Variants in SLC41A2 observed in about 807,000 individuals in gnomAD.
SLC41A2 encodes SLC41A1-like 1.
Under a neutral mutation model 58.3 loss-of-function variants are expected in SLC41A2, and 32 were observed. The ratio of observed to expected loss-of-function variants is 0.55; its 90% CI spans 0.41 to 0.74. The LOEUF is 0.74. SLC41A2 is among the 30% of genes least tolerant of loss of function. SLC41A2 has a pLI of 0.00. For missense variants in SLC41A2, 514 were observed against 680.6 expected (o/e 0.76, Z 2.72); for synonymous variants, 190 against 235.0 (o/e 0.81, Z 1.75).
chr12:104,803,728 A>AGAGT lies in SLC41A2; in HGVS notation c.*1420_*1423dup, dbSNP rs1491109545. On this transcript the variant is annotated 3_prime_UTR_variant, in exon 11 of 11. Transcript: ENST00000258538. ...TGGTCAAGTGTTTAGAATATAGGCC[A>AGAGT]GAGTTTTAGAAAAATTATTTGAGAA... The AGAGT allele has an allele frequency of 1.4e-4, 21 of 152,300 alleles. No individual in the cohort carries two copies. The highest frequency in any genetic ancestry group is 4.8e-4 in the African/African-American group (20 of 41,558). 9.4% of individuals were successfully genotyped at this position (152,300 alleles called of 1,614,324 possible). A position where few individuals can be genotyped will look rare whatever the true frequency, so the allele number is the denominator to read the frequency against.
chr12:104,829,217 G>A (rs920916434), intron 10 of SLC41A2, among the ~76,000 whole-genome samples: 2 of 152,150 alleles, frequency 1.3e-5, no homozygotes, highest in Non-Finnish European at 2.9e-5. Flanking sequence ...GCAGCTTCAT[G>A]CATAACAGCC....
intron 2 of SLC41A2, among the ~76,000 whole-genome samples, chr12:104,917,450 T>C (rs2046377485): frequency 6.6e-6 from 1 of 152,094 alleles, no homozygotes; most frequent in Admixed American, 6.5e-5. Flanking sequence ...AGAAATACCA[T>C]TTGACCCAGC....
At chr12:104,897,132 C>CTTTTCTT in intron 3 of SLC41A2, among the ~76,000 whole-genome samples, 6 of 143,798 alleles carry the variant, frequency 4.2e-5, no homozygotes, top group African/African-American at 1.5e-4. Context: ...CAGAGTGACA[C>CTTTTCTT]TTTTCTTTTT....
chr12:104,925,287 G>A (rs144680119), intron 2 of SLC41A2, among the ~76,000 whole-genome samples: 13 of 152,276 alleles, frequency 8.5e-5, no homozygotes, highest in South Asian at 2.1e-4. Context: ...GGCCAGGCGC[G>A]GTGGCTCACG....
intron 9 of SLC41A2, 60 bp downstream of exon 9, chr12:104,845,783 T>C: frequency 6.6e-7 from 1 of 1,504,014 alleles, no homozygotes; most frequent in Non-Finnish European, 9.0e-7. Flanking sequence ...GTTGCCTGCC[T>C]ATAATCTTAG....
Position 104,879,046 on chromosome 12 carries a change from C to T in SLC41A2, c.1027+7247G>A, listed in dbSNP as rs868171391. On this transcript the variant is annotated intron_variant, in intron 6 of 10. Coordinates refer to ENST00000258538, the MANE Select transcript of SLC41A2 (RefSeq NM_001352171.3). ...GGTATCTCATTGTGGTTTTGATTTG[C>T]ATTTCTCTGATGGCCAGTGATGATG... Among the ~76,000 whole-genome samples, 28 of 152,322 alleles carry T rather than the reference C, an allele frequency of 1.8e-4. No individual in the cohort carries two copies. The South Asian group carries it at 3.3e-3, about 18-fold the overall frequency.
At chr12:104,916,722 G>A (rs1305274808) in intron 2 of SLC41A2, among the ~76,000 whole-genome samples, 6 of 152,170 alleles carry the variant, frequency 3.9e-5, no homozygotes, top group African/African-American at 2.4e-5. Flanking sequence ...AAGCAATGGG[G>A]AAAGAATTTC....
intron 10 of SLC41A2, among the ~76,000 whole-genome samples, chr12:104,843,343 G>A (rs1271148112): frequency 2.0e-5 from 3 of 151,780 alleles, no homozygotes; most frequent in East Asian, 1.9e-4. Flanking sequence ...TTAATTATTC[G>A]ATAGGTGACT....
intron 10 of SLC41A2, among the ~76,000 whole-genome samples, chr12:104,837,904 T>C (rs926646455): frequency 2.6e-5 from 4 of 152,190 alleles, no homozygotes; most frequent in Non-Finnish European, 5.9e-5. Context: ...TTAATAAACC[T>C]GACTATGGAT....
At chr12:104,852,788 T>C (rs527509061) in intron 8 of SLC41A2, among the ~76,000 whole-genome samples, 1 of 152,306 alleles carries the variant, frequency 6.6e-6, no homozygotes, top group South Asian at 2.1e-4. Context: ...ATCATGATCA[T>C]TGGTTATATT....
chr12:104,843,581 T>C (rs1387873650), intron 10 of SLC41A2, among the ~76,000 whole-genome samples: 1 of 152,112 alleles, frequency 6.6e-6, no homozygotes, highest in East Asian at 1.9e-4. Context: ...TTTAACTCAG[T>C]AATCTCCAAA....
At chr12:104,806,795 T>C (rs976594428) in intron 10 of SLC41A2, among the ~76,000 whole-genome samples, 8 of 152,074 alleles carry the variant, frequency 5.3e-5, no homozygotes, top group Non-Finnish European at 1.2e-4. Context: ...TGGTTTTGAA[T>C]TGCATTTCTC....
chr12:104,878,299 TTATATATA>T (rs55670022), intron 6 of SLC41A2, among the ~76,000 whole-genome samples: 75,841 of 139,864 alleles, frequency 0.54, 20,543 homozygotes, highest in Middle Eastern at 0.59. Flanking sequence ...TACCTGTATT[TTATATATA>T]TATATATATA....
chr12:104,880,444 C>T (rs1215589213), intron 6 of SLC41A2, among the ~76,000 whole-genome samples: 1 of 152,166 alleles, frequency 6.6e-6, no homozygotes, highest in African/African-American at 2.4e-5. Context: ...ATGATATTGG[C>T]TGTGGGTTTG....
chr12:104,853,927 T>TTTTTTTTTTTTA (rs2042919584), intron 8 of SLC41A2, among the ~76,000 whole-genome samples: 2 of 135,024 alleles, frequency 1.5e-5, no homozygotes, highest in Non-Finnish European at 3.2e-5. Flanking sequence ...TTTTTTTTTT[T>TTTTTTTTTTTTA]TTTTTTTTTT....
chr12:104,818,582 A>T (rs930484674), intron 10 of SLC41A2, among the ~76,000 whole-genome samples: 3 of 152,156 alleles, frequency 2.0e-5, no homozygotes, highest in Non-Finnish European at 2.9e-5. Context: ...AAGGAAAGAA[A>T]AGAGAAAACA....
intron 3 of SLC41A2, among the ~76,000 whole-genome samples, chr12:104,899,119 C>CT (rs1290718794): frequency 1.1e-4 from 16 of 151,520 alleles, no homozygotes; most frequent in Admixed American, 4.0e-4. Flanking sequence ...CCATTTAATT[C>CT]TTTTTTTTTA....
chr12:104,871,976 T>C (rs138958075), intron 6 of SLC41A2, among the ~76,000 whole-genome samples: 1 of 152,104 alleles, frequency 6.6e-6, no homozygotes, highest in East Asian at 1.9e-4. Context: ...AGAAAAAAGA[T>C]CACTTAAGAC....
chr12:104,942,517 C>G lies in SLC41A2; in HGVS notation c.-167-13823G>C, dbSNP rs2047552812. On this transcript the variant is annotated intron_variant, in intron 1 of 10. Transcript: ENST00000258538. ...CCATGTTAAATTCATTAATTTCCTG[C>G]AAATGATTTCAGAGAACTTTACCTC... Among the ~76,000 whole-genome samples, 5 of 151,390 alleles carry G rather than the reference C, an allele frequency of 3.3e-5. No individual in the cohort carries two copies. In the South Asian group the frequency reaches 1.0e-3, roughly 32 times the overall value.
Sources: gnomAD v4.1 joint callset for allele counts (sites outside exome capture counted in the v4.1 genomes callset) on GRCh38, gnomAD v4.1.1 for gene constraint, MANE v1.5 for transcripts, NCBI Gene and HGNC (gene_info 2026-07-23, HGNC 2026-07-21) for gene names.